Variants in SGCZ observed in about 807,000 individuals in gnomAD.
SGCZ encodes sarcoglycan zeta.
A neutral mutation model predicts 41.3 loss-of-function variants in SGCZ; 40 were observed. That is an observed-to-expected ratio of 0.97 (90% confidence interval 0.75 to 1.26). The LOEUF is 1.26. Among genes scored for constraint, SGCZ ranks in the 50% most tolerant of loss-of-function variants. The pLI, the probability that SGCZ is intolerant of heterozygous loss-of-function variation, is 0.00. For synonymous variants in SGCZ, 206 were observed against 137.5 expected (o/e 1.50, Z -3.49); for missense variants, 552 against 369.8 (o/e 1.49, Z -4.04).
At chr8:15,235,399 T>C (rs1802088343) in intron 1 of SGCZ, among the ~76,000 whole-genome samples, 1 of 152,204 alleles carries the variant, frequency 6.6e-6, no homozygotes, top group Non-Finnish European at 1.5e-5. Flanking sequence ...CCCTCAAAAG[T>C]AGCTTGTCCT....
chr8:14,611,115 A>T (rs1336294044), intron 1 of SGCZ, among the ~76,000 whole-genome samples: 1 of 152,218 alleles, frequency 6.6e-6, no homozygotes, highest in African/African-American at 2.4e-5. Context: ...AGAATTATCT[A>T]AAATGTCTAT....
intron 1 of SGCZ, among the ~76,000 whole-genome samples, chr8:15,213,140 G>A (rs1801290911): frequency 6.6e-6 from 1 of 151,942 alleles, no homozygotes; most frequent in Non-Finnish European, 1.5e-5. Context: ...TATACTAAAT[G>A]CATTTTTCAA....
At chr8:14,099,089 C>A (rs1194941836) in intron 7 of SGCZ, among the ~76,000 whole-genome samples, 1 of 152,056 alleles carries the variant, frequency 6.6e-6, no homozygotes, top group Non-Finnish European at 1.5e-5. Flanking sequence ...ATGATATTGG[C>A]TTGAGATAGA....
chr8:14,435,724 A>G (rs936529804), intron 2 of SGCZ, among the ~76,000 whole-genome samples: 7 of 152,346 alleles, frequency 4.6e-5, no homozygotes, highest in Middle Eastern at 3.4e-3. Flanking sequence ...CAAAGTAGAC[A>G]TTTGAATATG....
intron 2 of SGCZ, among the ~76,000 whole-genome samples, chr8:14,388,782 A>C (rs1467879154): frequency 1.3e-5 from 2 of 151,956 alleles, no homozygotes; most frequent in Non-Finnish European, 2.9e-5. Context: ...TTACTATGTA[A>C]AAAACCTGCA....
chr8:14,764,234 G>C (rs1309425578), intron 1 of SGCZ, among the ~76,000 whole-genome samples: 1 of 152,156 alleles, frequency 6.6e-6, no homozygotes, highest in East Asian at 1.9e-4. Flanking sequence ...AGATATGTTA[G>C]AACTTTTAAA....
At chr8:14,948,041 G>C (rs555682430) in intron 1 of SGCZ, among the ~76,000 whole-genome samples, 2 of 152,214 alleles carry the variant, frequency 1.3e-5, no homozygotes, top group East Asian at 3.9e-4. Flanking sequence ...CTTCATTATG[G>C]AGAAGGACAG....
At chr8:14,183,657 G>C (rs1338721884) in intron 4 of SGCZ, among the ~76,000 whole-genome samples, 1 of 152,196 alleles carries the variant, frequency 6.6e-6, no homozygotes, top group Non-Finnish European at 1.5e-5. Flanking sequence ...CCACCCATGA[G>C]AAAAGCGTTT....
chr8:14,204,456 A>C (rs1295746032), intron 4 of SGCZ, among the ~76,000 whole-genome samples: 1 of 152,030 alleles, frequency 6.6e-6, no homozygotes, highest in African/African-American at 2.4e-5. Context: ...GTCTTCCAAA[A>C]CCATTGTTGA....
At chr8:14,198,140 T>C (rs765812421) in intron 4 of SGCZ, among the ~76,000 whole-genome samples, 51 of 152,240 alleles carry the variant, frequency 3.3e-4, no homozygotes, top group Non-Finnish European at 5.4e-4. Context: ...CATGCTGTTC[T>C]GAGTAGCATG....
intron 1 of SGCZ, among the ~76,000 whole-genome samples, chr8:14,924,367 A>G (rs1189730406): frequency 2.0e-5 from 3 of 152,192 alleles, no homozygotes; most frequent in Admixed American, 2.0e-4. Flanking sequence ...GCAGAATAAA[A>G]TGTTTTCCTA....
chr8:15,083,296 A>G (rs1031854469), intron 1 of SGCZ, among the ~76,000 whole-genome samples: 2 of 152,232 alleles, frequency 1.3e-5, no homozygotes, highest in African/African-American at 2.4e-5. Context: ...CTTATAATCA[A>G]TGTAGAAATA....
chr8:15,036,356 G>A (rs1025985748), intron 1 of SGCZ, among the ~76,000 whole-genome samples: 1 of 151,966 alleles, frequency 6.6e-6, no homozygotes. Flanking sequence ...GTCTCTCATT[G>A]AACACATGGA....
chr8:14,645,932 AC>A (rs57213992), intron 1 of SGCZ, among the ~76,000 whole-genome samples: 29,065 of 151,740 alleles, frequency 0.19, 3,291 homozygotes, highest in East Asian at 0.59. Flanking sequence ...GCTTTCTTCA[AC>A]CTGTTCTCTT....
chr8:15,019,902 T>C (rs926123456), intron 1 of SGCZ, among the ~76,000 whole-genome samples: 2 of 150,382 alleles, frequency 1.3e-5, no homozygotes, highest in South Asian at 2.1e-4. Context: ...AGTAGTCTCA[T>C]GCAGATTAGC....
intron 2 of SGCZ, among the ~76,000 whole-genome samples, chr8:14,403,122 T>C (rs1471468077): frequency 6.7e-6 from 1 of 150,114 alleles, no homozygotes; most frequent in Non-Finnish European, 1.5e-5. Flanking sequence ...ATGCTTGTGA[T>C]TTTTGTACAT....
chr8:14,303,104 A>G (rs1312443804), intron 3 of SGCZ, among the ~76,000 whole-genome samples: 1 of 152,180 alleles, frequency 6.6e-6, no homozygotes, highest in Non-Finnish European at 1.5e-5. Flanking sequence ...TTTACCTGTG[A>G]TAGTTGGTGA....
Position 14,276,807 on chromosome 8 carries a change from C to T in SGCZ, c.337-39128G>A, listed in dbSNP as rs534805925. ...GAGGCAGGAAACAGAAGGCCAATTC[C>T]CACTTCAGCTATTACAGGAAATATC... On this transcript the variant is annotated intron_variant, in intron 3 of 7. Transcript: ENST00000382080. 1.2e-3 allele frequency among the ~76,000 whole-genome samples: 184 copies of T among 152,284 alleles called. 1 individual carries two copies. Among genetic ancestry groups the T allele is most frequent in the African/African-American group, 4.3e-3 (180 of 41,558 alleles).
chr8:15,025,413 C>T (rs190046118), intron 1 of SGCZ, among the ~76,000 whole-genome samples: 1 of 152,088 alleles, frequency 6.6e-6, no homozygotes. Context: ...TTTTAAAGGG[C>T]AGGAAAAACT....
Sources: allele counts gnomAD v4.1 joint callset (sites outside exome capture counted in the v4.1 genomes callset), GRCh38; gene constraint gnomAD v4.1.1; transcripts MANE v1.5; gene names NCBI Gene and HGNC (gene_info 2026-07-23, HGNC 2026-07-21).